The following EPG5 variants were observed in gnomAD, a reference collection of about 807,000 sequenced individuals.
The protein encoded by EPG5 is ectopic P granules protein 5 homolog.
Under a neutral mutation model 302.7 loss-of-function variants are expected in EPG5, and 159 were observed. The observed-to-expected ratio is 0.53, with a 90% CI of 0.46 to 0.60. The LOEUF is 0.60. Among genes scored for constraint, EPG5 ranks in the 20% least tolerant of loss-of-function variants. The pLI, the probability that EPG5 is intolerant of heterozygous loss-of-function variation, is 0.00. For missense variants in EPG5, 2,896 were observed against 3,092.4 expected (o/e 0.94, Z 1.51); for synonymous variants, 1,158 against 1,136.8 (o/e 1.02, Z -0.37).
the EPG5 span, among the ~76,000 whole-genome samples, chr18:45,821,347 T>C: frequency 6.6e-6 from 1 of 152,218 alleles, no homozygotes; most frequent in Non-Finnish European, 1.5e-5. Flanking sequence ...TTATGCAAAG[T>C]TGCTATATGT....
the EPG5 span, chr18:45,837,206 T>C: frequency 1.3e-6 from 2 of 1,482,900 alleles, no homozygotes; most frequent in African/African-American, 2.8e-5. Flanking sequence ...GGTAAGAATA[T>C]GGGGTCAAGG....
chr18:45,838,523 C>T, the EPG5 span: 1 of 755,366 alleles, frequency 1.3e-6, no homozygotes, highest in Non-Finnish European at 2.0e-6. Context: ...ATGATCCTCA[C>T]TTTACACATG....
intron 5 of EPG5, 61 bp downstream of exon 5, chr18:45,949,423 G>C: frequency 2.2e-6 from 2 of 912,098 alleles, no homozygotes; most frequent in East Asian, 5.1e-5. Context: ...ATTTCTTCAG[G>C]AATAATGTCT....
rs1393506239 is a variant in EPG5 at position 45,882,363 on chromosome 18, G to A, written c.5429C>T (p.Pro1810Leu). 6.2e-7 allele frequency: 1 copy of A among 1,614,176 alleles called. No individual in the cohort carries two copies. The highest frequency in any genetic ancestry group is 2.2e-5 in the East Asian group (1 of 44,890). Residue 1810 changes from proline (P) to leucine (L), a missense_variant, in exon 31 of 44, where the codon CCA (proline) becomes CTA (leucine). Physicochemically the swap from Pro to Leu is moderately conservative, Grantham distance 98. Coordinates refer to ENST00000282041, the MANE Select transcript of EPG5 (RefSeq NM_020964.3). Reference sequence around the variant, plus strand: ...CCAGTGCTTACAGAAAAGATTAAATGGCATCAAAATATCCTCATCTGGTTC... The same window carrying A: ...CCAGTGCTTACAGAAAAGATTAAATAGCATCAAAATATCCTCATCTGGTTC... ...GLEPDEDILM[P>L]FNLFCKHWTY...
At position 45,920,317 on chromosome 18, in the gene EPG5, T is replaced by G. The variant is rs182467230; in HGVS notation, c.3098+2024A>C. 1.8e-4 allele frequency among the ~76,000 whole-genome samples: 28 copies of G among 152,318 alleles called. No individual in the cohort carries two copies. In the East Asian group the frequency reaches 4.4e-3, roughly 24 times the overall value. On this transcript the variant is annotated intron_variant, in intron 16 of 43. Transcript: ENST00000282041. ...AACACAGTGAGTGTGCTGTTCAGAA[T>G]GTACAGGGGCTGCAGGTGGCAGGAG...
rs1211658213 is a variant in EPG5 at position 45,954,779 on chromosome 18, T to C, written c.623A>G (p.Gln208Arg). 1.2e-6 allele frequency: 2 copies of C among 1,613,772 alleles called. No homozygotes were observed. Among genetic ancestry groups the C allele is most frequent in the African/African-American group, 2.7e-5 (2 of 74,930 alleles). ...ATACAGTTTCTTCACTCTAGGTGTC[T>C]GAAAACCATGTTTGGCTGGGCAAGA... is the stretch of plus-strand genomic sequence containing the variant. ...QSSCPAKHGFQTPRVKKLYPQ... is the reference protein window; with the variant it reads ...QSSCPAKHGFRTPRVKKLYPQ... The change falls in exon 2 of 44, where the codon CAG becomes CGG. Residue 208 changes from glutamine to arginine, a missense_variant. Gln to Arg is a conservative substitution (Grantham distance 43, BLOSUM62 1). Around this residue, in one of 5 missense-constraint regions of EPG5, gnomAD observed 1,390 missense variants for 1,430.0 expected, o/e 0.97. Transcript: ENST00000282041.
At position 45,908,185 on chromosome 18, in the gene EPG5, A is replaced by C. The variant is rs542189819; in HGVS notation, c.4206-104T>G. The C allele has an allele frequency of 1.6e-5, 15 of 928,690 alleles. No homozygotes were observed. In the East Asian group the frequency reaches 1.8e-4, roughly 11 times the overall value. 57.5% of individuals were successfully genotyped at this position (928,690 alleles called of 1,614,324 possible). ...TGGCACCCCTACATAAGAGTAAAGA[A>C]AGCCCATAATACAGAAAATGTGGCC... On this transcript the variant is annotated intron_variant, in intron 23 of 43. Coordinates refer to ENST00000282041, the MANE Select transcript of EPG5 (RefSeq NM_020964.3).
At chr18:45,808,596 T>C in the EPG5 span, among the ~76,000 whole-genome samples, 6 of 152,038 alleles carry the variant, frequency 3.9e-5, no homozygotes, top group Non-Finnish European at 8.8e-5. Flanking sequence ...ACAAAACAAT[T>C]ATCAACCAAC....
chr18:45,948,055 G>A (rs1439911712), intron 6 of EPG5, among the ~76,000 whole-genome samples: 1 of 152,094 alleles, frequency 6.6e-6, no homozygotes, highest in Non-Finnish European at 1.5e-5. Flanking sequence ...GATTACAGGT[G>A]TGAGCCACCA....
intron 39 of EPG5, 137 bp from the exon 40 acceptor site, chr18:45,860,483 G>C: frequency 1.8e-6 from 2 of 1,083,124 alleles, no homozygotes; most frequent in East Asian, 2.4e-5. Flanking sequence ...CAAGGGACTG[G>C]AAGGAAGGCT....
At chr18:45,837,121 G>A in the EPG5 span, 5 of 1,611,064 alleles carry the variant, frequency 3.1e-6, no homozygotes, top group Non-Finnish European at 4.2e-6. Flanking sequence ...CCATCTCGGG[G>A]ATCTTGGGAG....
chr18:45,946,183 A>G (rs2050781507), intron 7 of EPG5, among the ~76,000 whole-genome samples: 2 of 152,242 alleles, frequency 1.3e-5, no homozygotes, highest in South Asian at 4.1e-4. Flanking sequence ...ACCATCTTCT[A>G]CCTTTCAAAT....
intron 23 of EPG5, among the ~76,000 whole-genome samples, chr18:45,909,929 C>T (rs1386429092): frequency 6.6e-6 from 1 of 152,158 alleles, no homozygotes; most frequent in African/African-American, 2.4e-5. Flanking sequence ...CTATGAATAG[C>T]CACTGCATTC....
At position 45,897,640 on chromosome 18, in the gene EPG5, G is replaced by A. The variant is rs143052335; in HGVS notation, c.4809+1764C>T. Among the ~76,000 whole-genome samples the A allele has an allele frequency of 9.9e-5, 15 of 152,232 alleles. 1 individual carries two copies. The East Asian group carries it at 2.1e-3, about 22-fold the overall frequency. ...AAAGATAACTCAATGTTTAAGAGTC[G>A]CACATATTTACAATAACATACGGGA... On this transcript the variant is annotated intron_variant, in intron 27 of 43. Coordinates refer to ENST00000282041, the MANE Select transcript of EPG5 (RefSeq NM_020964.3).
intron 20 of EPG5, 100 bp downstream of exon 20, chr18:45,915,411 A>C: frequency 1.2e-6 from 1 of 854,172 alleles, no homozygotes; most frequent in Non-Finnish European, 1.9e-6. Flanking sequence ...ATAAGTGCTA[A>C]ATAAAAGTTA....
At chr18:45,820,419 C>T in the EPG5 span, among the ~76,000 whole-genome samples, 1 of 152,180 alleles carries the variant, frequency 6.6e-6, no homozygotes, top group African/African-American at 2.4e-5. Context: ...CCACCCAAGC[C>T]TTGTAGCTGG....
chr18:45,803,967 C>T, the EPG5 span, among the ~76,000 whole-genome samples: 1 of 152,048 alleles, frequency 6.6e-6, no homozygotes, highest in African/African-American at 2.4e-5. Context: ...AGGCAAAAGT[C>T]AAGCTCAAGA....
At chr18:45,828,067 C>A in the EPG5 span, among the ~76,000 whole-genome samples, 1 of 152,224 alleles carries the variant, frequency 6.6e-6, no homozygotes, top group African/African-American at 2.4e-5. Context: ...GGCTGCTCTT[C>A]TTCTGGGAGC....
chr18:45,949,354 A>G, intron 5 of EPG5, 130 bp downstream of exon 5: 2 of 575,452 alleles, frequency 3.5e-6, no homozygotes, highest in Non-Finnish European at 6.0e-6. Context: ...TACTGGATAT[A>G]TTTTAAGAAT....
Sources: gnomAD v4.1 joint callset for allele counts (sites outside exome capture counted in the v4.1 genomes callset) on GRCh38, gnomAD v4.1.1 for gene constraint, gnomAD v4.1.1 regional missense constraint, MANE v1.5 for transcripts, NCBI Gene and HGNC (gene_info 2026-07-23, HGNC 2026-07-21) for gene names.